Variants in POMT1 observed in about 807,000 individuals in gnomAD.
POMT1 encodes the protein protein O-mannosyltransferase 1.
In POMT1, 85 loss-of-function variants were observed where a neutral mutation model predicts 101.6. That is an observed-to-expected ratio of 0.84 (90% CI 0.70 to 1.00). The LOEUF is 1.00. Among genes scored for constraint, POMT1 ranks in the 50% least tolerant of loss-of-function variants. The pLI is 0.00. For missense variants in POMT1, 857 were observed against 930.4 expected (o/e 0.92, Z 1.03); for synonymous variants, 371 against 383.0 (o/e 0.97, Z 0.37).
chr9:131,511,759 T>C, intron 10 of POMT1: 1 of 576,208 alleles, frequency 1.7e-6, no homozygotes, highest in Non-Finnish European at 3.1e-6. Flanking sequence ...TCATTTTCCC[T>C]GAAACCCCTT....
intron 12 of POMT1, 111 bp from the exon 13 acceptor site, chr9:131,515,315 G>A: frequency 9.0e-7 from 1 of 1,111,584 alleles, no homozygotes; most frequent in East Asian, 2.4e-5. Context: ...ACCCCTTATG[G>A]CTGAGCCGGC....
Position 131,513,318 on chromosome 9 carries a change from C to T in POMT1, c.1162C>T (p.Arg388Cys), listed in dbSNP as rs748087053. 13 of 1,611,890 alleles carry T rather than the reference C, an allele frequency of 8.1e-6. No individual in the cohort carries two copies. In the South Asian group the frequency reaches 8.8e-5, roughly 11 times the overall value. Reference protein sequence around the residue: ...MVQLVHGMTTRSLNTHDVAAP... With the variant: ...MVQLVHGMTTCSLNTHDVAAP... ...GCAGCTGGTCCACGGCATGACCACCCGCTCCCTGAACACGTGAGTGTGCCC... is the reference window on the plus strand; with the variant it reads ...GCAGCTGGTCCACGGCATGACCACCTGCTCCCTGAACACGTGAGTGTGCCC... The change falls in exon 12 of 20, where the codon CGC (arginine) becomes TGC (cysteine). Residue 388 changes from arginine to cysteine, a missense_variant. By Grantham distance (180) the Arg-to-Cys change is radical. Transcript: ENST00000402686.
chr9:131,507,971 A>G (rs1160359613), intron 5 of POMT1, among the ~76,000 whole-genome samples: 1 of 152,160 alleles, frequency 6.6e-6, no homozygotes, highest in East Asian at 1.9e-4. Flanking sequence ...AGTGGCTCAC[A>G]CCTATAATCC....
intron 7 of POMT1, 22 bp from the exon 8 acceptor site, chr9:131,509,881 C>T: frequency 6.2e-6 from 10 of 1,614,160 alleles, no homozygotes; most frequent in Non-Finnish European, 8.5e-6. Flanking sequence ...ATGTTAACTC[C>T]ATTTCTGTCA....
chr9:131,509,832 G>A, intron 7 of POMT1, 24 bp downstream of exon 7: 2 of 1,614,216 alleles, frequency 1.2e-6, no homozygotes, highest in Non-Finnish European at 1.7e-6. Context: ...TCTGGTCTTG[G>A]GCAGTGTCCT....
rs747383103 is a variant in POMT1, at chr9:131,511,319, C to T, written c.856-18C>T. 25 of 1,601,612 alleles carry T rather than the reference C, an allele frequency of 1.6e-5. No homozygotes were observed. Among genetic ancestry groups the T allele is most frequent in the Non-Finnish European group, 2.1e-5 (25 of 1,170,200 alleles). ...TTCTTTCTGTCTCTCACTCATCAACCTTCTGCTTCTGTCTCAGGGAGGACT... is the reference window on the plus strand; with the variant it reads ...TTCTTTCTGTCTCTCACTCATCAACTTTCTGCTTCTGTCTCAGGGAGGACT... On this transcript the variant is annotated intron_variant, in intron 9 of 19. Transcript: ENST00000402686.
chr9:131,512,675 G>A (rs1035735588), intron 11 of POMT1, among the ~76,000 whole-genome samples: 9 of 151,882 alleles, frequency 5.9e-5, no homozygotes, highest in African/African-American at 1.7e-4. Context: ...GCAGTGGTAC[G>A]ATCTCGGCTC....
rs1950371592 is a variant in POMT1 at position 131,523,549 on chromosome 9, G to C, written c.*443G>C. On this transcript the variant is annotated 3_prime_UTR_variant, in exon 20 of 20. Coordinates refer to ENST00000402686, the MANE Select transcript of POMT1 (RefSeq NM_001077365.2). ...CCCGGCCCTGCCCTCAGCGAGCCCG[G>C]CAGGCGTCCTGGGACAGCTCAGTGT... 2 of 271,108 alleles carry C rather than the reference G, an allele frequency of 7.4e-6. No homozygotes were observed. Among genetic ancestry groups the C allele is most frequent in the South Asian group, 4.0e-5 (1 of 24,764 alleles). The allele number at this position is 271,108 out of a possible 1,614,324, so 16.8% of individuals were successfully genotyped here.
chr9:131,510,557 G>C (rs557265810), intron 9 of POMT1, 142 bp downstream of exon 9: 1 of 1,170,478 alleles, frequency 8.5e-7, no homozygotes, highest in South Asian at 1.3e-5. Context: ...TTTTGGTGGG[G>C]GGGATGGAGT....
Position 131,505,217 on chromosome 9 carries a change from C to G in POMT1, c.122+877C>G, listed in dbSNP as rs1945518520. On this transcript the variant is annotated intron_variant, in intron 2 of 19. Coordinates refer to ENST00000402686, the MANE Select transcript of POMT1 (RefSeq NM_001077365.2). The stretch of plus-strand genomic sequence containing the variant: ...TCACCTTATCAGTTCACAGCCAGGC[C>G]CCTCCCTGCAGTGGTTTTTACTTTG... Among the ~76,000 whole-genome samples, 8 of 152,118 alleles carry G rather than the reference C, an allele frequency of 5.3e-5. No homozygotes were observed. In the South Asian group the frequency reaches 1.7e-3, roughly 32 times the overall value.
chr9:131,504,920 G>A (rs573617474), intron 2 of POMT1, among the ~76,000 whole-genome samples: 1 of 151,980 alleles, frequency 6.6e-6, no homozygotes, highest in Non-Finnish European at 1.5e-5. Context: ...TGAGATTACA[G>A]GTGCCCGCCA....
At chr9:131,506,652 A>G (rs1412812598) in intron 4 of POMT1, 199 bp downstream of exon 4, 1 of 625,796 alleles carries the variant, frequency 1.6e-6, no homozygotes, top group African/African-American at 1.8e-5. Context: ...TCTGGTTAAA[A>G]TCTTACTGTT....
chr9:131,512,343 C>T (rs1250136193), intron 11 of POMT1, among the ~76,000 whole-genome samples: 1 of 152,186 alleles, frequency 6.6e-6, no homozygotes, highest in East Asian at 1.9e-4. Context: ...AGTAGCTGCT[C>T]TGAGAAGTTT....
At chr9:131,510,981 C>A in intron 9 of POMT1, 2 of 275,908 alleles carry the variant, frequency 7.2e-6, no homozygotes, top group South Asian at 8.8e-5. Flanking sequence ...ACGGCCAGTG[C>A]TGTAGTGCTG....
At position 131,522,798 on chromosome 9, in the gene POMT1, C is replaced by A; in HGVS notation, c.2004-134C>A. On this transcript the variant is annotated intron_variant, in intron 19 of 19. Transcript: ENST00000402686. The surrounding 1 kb of genome is among the most constrained non-coding windows in gnomAD (Gnocchi z 5.5). ...GGAGATGGTCATGGGTGGCAGGAGA[C>A]AAGACACAGAAACCTGAAGGCAGAA... The A allele has an allele frequency of 1.0e-6, 1 of 986,676 alleles. No individual in the cohort carries two copies. The highest frequency in any genetic ancestry group is 1.4e-5 in the South Asian group (1 of 70,936). The allele number at this position is 986,676 out of a possible 1,614,324, so 61.1% of individuals were successfully genotyped here. A position where few individuals can be genotyped will look rare whatever the true frequency, so the allele number is the denominator to read the frequency against.
Position 131,509,799 on chromosome 9 carries a change from G to T in POMT1, c.596G>T (p.Cys199Phe). The T allele has an allele frequency of 1.9e-6, 3 of 1,614,232 alleles. No individual in the cohort carries two copies. Among genetic ancestry groups the T allele is most frequent in the Non-Finnish European group, 2.5e-6 (3 of 1,180,038 alleles). The change falls in exon 7 of 20, where the codon TGT (cysteine) becomes TTT (phenylalanine). Residue 199 changes from cysteine (C) to phenylalanine (F), a missense_variant. Transcript: ENST00000402686. ...ACACTGACAGGGGTCGCTTGTTCCT[G>T]TGCAGTGGGGTGAGTTTGAGCCTCT... ...WLTLTGVACS[C>F]AVGIKYMGVF...
chr9:131,516,177 A>T, intron 13 of POMT1, among the ~76,000 whole-genome samples: 1 of 124,334 alleles, frequency 8.0e-6, no homozygotes, highest in Non-Finnish European at 1.7e-5. Context: ...CACACGGAGC[A>T]CTTCCTCTAA....
rs1007128104 is a variant in POMT1, at chr9:131,522,375, G to A, written c.2003+151G>A. On this transcript the variant is annotated intron_variant, in intron 19 of 19. Transcript: ENST00000402686. This position sits in a 1 kb window ranked among gnomAD's most constrained non-coding sequence, Gnocchi z 5.5. ...CCCTCCGGGGAATGGGTGAGGTTCA[G>A]AAGAGATGCCCAGATGAGGCACTGC... 6.9e-7 allele frequency: 1 copy of A among 1,449,142 alleles called. No individual in the cohort carries two copies. Among genetic ancestry groups the A allele is most frequent in the Non-Finnish European group, 9.2e-7 (1 of 1,086,466 alleles). The allele number at this position is 1,449,142 out of a possible 1,614,324, so 89.8% of individuals were successfully genotyped here.
Position 131,522,127 on chromosome 9 carries a change from G to A in POMT1, c.1906G>A (p.Glu636Lys). Residue 636 changes from glutamate (E) to lysine (K), a missense_variant, in exon 19 of 20, where the codon GAG becomes AAG. Physicochemically the swap from Glu to Lys is moderately conservative, Grantham distance 56. Coordinates refer to ENST00000402686, the MANE Select transcript of POMT1 (RefSeq NM_001077365.2). The surrounding 1 kb of genome is among the most constrained non-coding windows in gnomAD (Gnocchi z 5.5). ...AVNYLPFFLM[E>K]KTLFLYHYLP... ...GAACTACCTCCCGTTCTTCCTGATG[G>A]AGAAGACACTCTTCCTCTACCACTA... The A allele has an allele frequency of 6.2e-7, 1 of 1,614,118 alleles. No homozygotes were observed. The highest frequency in any genetic ancestry group is 8.5e-7 in the Non-Finnish European group (1 of 1,180,038).
Sources: gnomAD v4.1 joint callset for allele counts (sites outside exome capture counted in the v4.1 genomes callset) on GRCh38, gnomAD v4.1.1 for gene constraint, Gnocchi (gnomAD v3.1) non-coding constraint, MANE v1.5 for transcripts, NCBI Gene and HGNC (gene_info 2026-07-23, HGNC 2026-07-21) for gene names.